CORO2A: variants seen among roughly 807,000 people sequenced by gnomAD.
CORO2A encodes the protein coronin-2A.
In CORO2A, 47 loss-of-function variants were observed where a neutral mutation model predicts 62.4. The observed-to-expected ratio is 0.75, with a 90% CI of 0.60 to 0.96. The LOEUF (loss-of-function observed/expected upper bound fraction) is 0.96. Among genes scored for constraint, CORO2A ranks in the 40% least tolerant of loss-of-function variants. The pLI is 0.00. For synonymous variants in CORO2A, 273 were observed against 268.9 expected (o/e 1.02, Z -0.15); for missense variants, 610 against 684.1 (o/e 0.89, Z 1.21).
chr9:98,173,933 A>G (rs1828073471), intron 1 of CORO2A, among the ~76,000 whole-genome samples: 1 of 152,046 alleles, frequency 6.6e-6, no homozygotes, highest in African/African-American at 2.4e-5. Flanking sequence ...CCTGACCAAC[A>G]TGGAGAAACC....
At chr9:98,152,103 C>T (rs572020053) in intron 2 of CORO2A, among the ~76,000 whole-genome samples, 1 of 150,920 alleles carries the variant, frequency 6.6e-6, no homozygotes, top group South Asian at 2.1e-4. Context: ...AGGCATGAGC[C>T]ACTGCACCCG....
chr9:98,153,350 C>A (rs1336634584), intron 2 of CORO2A, among the ~76,000 whole-genome samples: 1 of 151,494 alleles, frequency 6.6e-6, no homozygotes, highest in Non-Finnish European at 1.5e-5. Context: ...ATCTGCCCGT[C>A]TGGGCCTGCC....
chr9:98,153,036 G>A (rs554231284), intron 2 of CORO2A, among the ~76,000 whole-genome samples: 38 of 152,268 alleles, frequency 2.5e-4, no homozygotes, highest in Admixed American at 1.3e-3. Context: ...GAATATTCTC[G>A]TTCTTAGAAG....
intron 1 of CORO2A, among the ~76,000 whole-genome samples, chr9:98,184,235 T>A (rs556991853): frequency 1.3e-4 from 20 of 151,818 alleles, no homozygotes; most frequent in South Asian, 1.2e-3. Flanking sequence ...TTATTTTATT[T>A]TTTTTTTTAA....
In CORO2A at chr9:98,172,388, C is replaced by T. The variant is rs368399056; in HGVS notation, c.1-14728G>A. ...CACCCCACTTCCAAGCTCAGCCCCA[C>T]ACCCCACTTCTGAGCTCGACCCCAC... On this transcript the variant is annotated intron_variant, in intron 1 of 11. Coordinates refer to ENST00000375077, the MANE Select transcript of CORO2A (RefSeq NM_052820.4). Among the ~76,000 whole-genome samples the T allele has an allele frequency of 7.8e-5, 10 of 128,348 alleles. No homozygotes were observed. In the East Asian group the frequency reaches 1.9e-3, roughly 24 times the overall value. The allele number at this position is 128,348 out of a possible 152,430, so 84.2% of individuals were successfully genotyped here. A position where few individuals can be genotyped will look rare whatever the true frequency, so the allele number is the denominator to read the frequency against.
intron 10 of CORO2A, 46 bp from the exon 11 acceptor site, chr9:98,126,869 G>A (rs759471016): frequency 6.2e-7 from 1 of 1,605,770 alleles, no homozygotes; most frequent in South Asian, 1.1e-5. Flanking sequence ...CCCACGGGAA[G>A]ATGGGCATAT....
rs1258466457 is a variant in CORO2A at position 98,121,455 on chromosome 9, T to C, written c.*3319A>G. 1 of 152,212 alleles carries C rather than the reference T, an allele frequency of 6.6e-6. No homozygotes were observed. Among genetic ancestry groups the C allele is most frequent in the African/African-American group, 2.4e-5 (1 of 41,460 alleles). The allele number at this position is 152,212 out of a possible 1,614,324, so 9.4% of individuals were successfully genotyped here. A position where few individuals can be genotyped will look rare whatever the true frequency, so the allele number is the denominator to read the frequency against. On this transcript the variant is annotated 3_prime_UTR_variant, in exon 12 of 12. Transcript: ENST00000375077. ...ACAGATGGTTTAAAAAAATATCTGA[T>C]AAAAATTACCTATCCCTCTCCCTTG...
At chr9:98,185,772 G>A (rs1427935313) in intron 1 of CORO2A, among the ~76,000 whole-genome samples, 2 of 152,214 alleles carry the variant, frequency 1.3e-5, no homozygotes, top group Admixed American at 6.5e-5. Flanking sequence ...GGCTGGGGCC[G>A]TTATGATGCC....
intron 2 of CORO2A, among the ~76,000 whole-genome samples, chr9:98,157,218 T>A (rs1238584316): frequency 6.6e-6 from 1 of 152,190 alleles, no homozygotes; most frequent in East Asian, 1.9e-4. Context: ...TTCGCAGAAT[T>A]ATATTGCAGA....
chr9:98,187,872 G>A (rs760294472), intron 1 of CORO2A, among the ~76,000 whole-genome samples: 3 of 152,120 alleles, frequency 2.0e-5, no homozygotes, highest in Non-Finnish European at 2.9e-5. Flanking sequence ...ATGGCTCCCC[G>A]CTGACCCTGG....
chr9:98,136,003 C>T (rs971807042), intron 3 of CORO2A, among the ~76,000 whole-genome samples: 2 of 152,194 alleles, frequency 1.3e-5, no homozygotes, highest in Non-Finnish European at 2.9e-5. Context: ...GCCCTCCAGG[C>T]CCTGAAGGCA....
intron 9 of CORO2A, 99 bp downstream of exon 9, chr9:98,128,508 T>G (rs1827359966): frequency 2.8e-6 from 3 of 1,086,360 alleles, no homozygotes; most frequent in Non-Finnish European, 4.2e-6. Context: ...GGCTGCCCCA[T>G]GAACGTGGGC....
At chr9:98,168,835 C>A (rs1827995501) in intron 1 of CORO2A, among the ~76,000 whole-genome samples, 1 of 152,350 alleles carries the variant, frequency 6.6e-6, no homozygotes, top group Admixed American at 6.5e-5. Flanking sequence ...AGAGTTCCAA[C>A]CCCTGGTGCA....
intron 2 of CORO2A, among the ~76,000 whole-genome samples, chr9:98,148,751 C>CAAACAAAACA (rs60243944): frequency 1.3e-3 from 198 of 150,348 alleles, no homozygotes; most frequent in African/African-American, 3.9e-3. Context: ...GAGCTTGTCT[C>CAAACAAAACA]AAACAAAACA....
chr9:98,179,495 T>TGA (rs1828149144), intron 1 of CORO2A, among the ~76,000 whole-genome samples: 1 of 152,290 alleles, frequency 6.6e-6, no homozygotes, highest in Admixed American at 6.5e-5. Flanking sequence ...TCTCTAAAGC[T>TGA]GAGACCCCAC....
intron 6 of CORO2A, among the ~76,000 whole-genome samples, chr9:98,131,515 T>C (rs1459805047): frequency 6.6e-6 from 1 of 151,964 alleles, no homozygotes; most frequent in African/African-American, 2.4e-5. Flanking sequence ...ATGGGGGTCC[T>C]GCTGTGTAGC....
At chr9:98,190,729 G>T (rs1027374178) in intron 1 of CORO2A, among the ~76,000 whole-genome samples, 1 of 152,136 alleles carries the variant, frequency 6.6e-6, no homozygotes, top group Non-Finnish European at 1.5e-5. Flanking sequence ...GGCCAAAAAG[G>T]CTTGAATTAG....
chr9:98,153,518 T>G lies in CORO2A; in HGVS notation c.201+3942A>C, dbSNP rs187837139. Among the ~76,000 whole-genome samples, 815 of 152,136 alleles carry G rather than the reference T, an allele frequency of 5.4e-3. 5 individuals are homozygous for G. The highest frequency in any genetic ancestry group is 8.7e-3 in the Non-Finnish European group (589 of 67,988). ...AATTCGTGGCCTCAAGCAATTCTCC[T>G]GCTTCAGCCTCTCGTATAGCTGGGA... On this transcript the variant is annotated intron_variant, in intron 2 of 11. Coordinates refer to ENST00000375077, the MANE Select transcript of CORO2A (RefSeq NM_052820.4).
intron 2 of CORO2A, among the ~76,000 whole-genome samples, chr9:98,140,525 C>T (rs1827551460): frequency 6.6e-6 from 1 of 151,850 alleles, no homozygotes; most frequent in Non-Finnish European, 1.5e-5. Flanking sequence ...ACTGTAGCCT[C>T]GAACTCGGGG....
Sources: allele counts gnomAD v4.1 joint callset (sites outside exome capture counted in the v4.1 genomes callset), GRCh38; gene constraint gnomAD v4.1.1; transcripts MANE v1.5; gene names NCBI Gene and HGNC (gene_info 2026-07-23, HGNC 2026-07-21).